PCDHGB6: variants seen among roughly 807,000 people sequenced by gnomAD.
PCDHGB6 encodes the protein protocadherin gamma subfamily B, 6.
Under a neutral mutation model 59.1 loss-of-function variants are expected in PCDHGB6, and 51 were observed. The ratio of observed to expected loss-of-function variants is 0.86; its 90% confidence interval spans 0.69 to 1.09. PCDHGB6 has a LOEUF of 1.09. Among genes scored for constraint, PCDHGB6 ranks in the 50% least tolerant of loss-of-function variants. PCDHGB6 has a pLI of 0.00. For synonymous variants in PCDHGB6, 466 were observed against 495.1 expected (o/e 0.94, Z 0.78); for missense variants, 1,148 against 1,205.1 (o/e 0.95, Z 0.70).
chr5:141,424,799 A>G (rs552155487), intron 1 of PCDHGB6: 90 of 152,274 alleles, frequency 5.9e-4, no homozygotes, highest in African/African-American at 2.1e-3. Context: ...ATTCAGACCA[A>G]CTTGTTATTG....
In PCDHGB6 at chr5:141,476,210, G is replaced by A; in HGVS notation, c.2419-18597G>A. ...TGGTGCCTTGAACAAGGCTTCCACG[G>A]TCATTCACTATGAGATCCCGGAGGA... is the stretch of plus-strand genomic sequence containing the variant. On this transcript the variant is annotated intron_variant, in intron 1 of 3. Coordinates refer to ENST00000520790, the MANE Select transcript of PCDHGB6 (RefSeq NM_018926.3). The surrounding 1 kb of genome is among the most constrained non-coding windows in gnomAD (Gnocchi z 7.6). 6.2e-7 allele frequency: 1 copy of A among 1,614,012 alleles called. No individual in the cohort carries two copies. Among genetic ancestry groups the A allele is most frequent in the Non-Finnish European group, 8.5e-7 (1 of 1,180,012 alleles).
Position 141,432,029 on chromosome 5 carries a change from G to A in PCDHGB6, c.2418+21409G>A. 6.2e-7 allele frequency: 1 copy of A among 1,614,178 alleles called. No individual in the cohort carries two copies. Among genetic ancestry groups the A allele is most frequent in the South Asian group, 1.1e-5 (1 of 91,086 alleles). ...TCCTAGCTACAACATCACAGTGACC[G>A]CCACTGACCGGGGAACCCCGCCCCT... On this transcript the variant is annotated intron_variant, in intron 1 of 3. Coordinates refer to ENST00000520790, the MANE Select transcript of PCDHGB6 (RefSeq NM_018926.3). This position sits in a 1 kb window ranked among gnomAD's most constrained non-coding sequence, Gnocchi z 6.0.
chr5:141,409,995 CG>C lies in PCDHGB6; in HGVS notation c.1796del (p.Gly599AspfsTer34). The C allele has an allele frequency of 1.2e-6, 2 of 1,613,308 alleles. No homozygotes were observed. Among genetic ancestry groups the C allele is most frequent in the Non-Finnish European group, 1.7e-6 (2 of 1,179,826 alleles). ...VTKVVAVDADSGHNAWLSYHV... is the reference protein window; with the variant it reads ...VTKVVAVDADXGHNAWLSYHV... ...AAGGTGGTAGCGGTGGACGCCGACT[CG>C]GGACACAACGCCTGGCTGTCCTACC... On this transcript the variant is annotated frameshift_variant, in exon 1 of 4. Coordinates refer to ENST00000520790, the MANE Select transcript of PCDHGB6 (RefSeq NM_018926.3). LOFTEE classifies it high-confidence loss of function.
chr5:141,506,109 A>G (rs1027886504), intron 3 of PCDHGB6, among the ~76,000 whole-genome samples: 5 of 152,126 alleles, frequency 3.3e-5, no homozygotes, highest in Middle Eastern at 3.2e-3. Flanking sequence ...GTCCCTGAAG[A>G]GTCACTAGGG....
intron 1 of PCDHGB6, among the ~76,000 whole-genome samples, chr5:141,445,077 T>C (rs778919022): frequency 5.9e-5 from 9 of 152,242 alleles, no homozygotes; most frequent in Non-Finnish European, 1.2e-4. Flanking sequence ...CTCATTAAAT[T>C]GTCCCTACAT....
chr5:141,498,578 G>T (rs1404493166), intron 2 of PCDHGB6, among the ~76,000 whole-genome samples: 1 of 152,048 alleles, frequency 6.6e-6, no homozygotes, highest in African/African-American at 2.4e-5. Flanking sequence ...CTAGTATTGA[G>T]TTCTTCAGTA....
intron 1 of PCDHGB6, among the ~76,000 whole-genome samples, chr5:141,463,377 G>T (rs1161419035): frequency 2.7e-5 from 4 of 147,358 alleles, no homozygotes; most frequent in Non-Finnish European, 3.0e-5. Flanking sequence ...CCCACAGTCT[G>T]AAAGTTGTCT....
chr5:141,422,492 C>G (rs747903569), intron 1 of PCDHGB6: 10 of 1,613,934 alleles, frequency 6.2e-6, no homozygotes, highest in Non-Finnish European at 8.5e-6. Flanking sequence ...TACAATATAA[C>G]GTTGACAGCC....
intron 1 of PCDHGB6, among the ~76,000 whole-genome samples, chr5:141,480,866 G>A (rs1329444129): frequency 6.6e-6 from 1 of 152,142 alleles, no homozygotes; most frequent in Non-Finnish European, 1.5e-5. Flanking sequence ...CCAATATGGT[G>A]AAACCCCGTC....
Position 141,489,090 on chromosome 5 carries a change from C to CAAA in PCDHGB6, c.2419-5717_2419-5716insAAA. ...CCTGCCCACCCCCGCCACTCGGTGA[C>CAAA]TAAGAACTGCTGCAAGCAGGCAAAC... is the stretch of plus-strand genomic sequence containing the variant. On this transcript the variant is annotated intron_variant, in intron 1 of 3. Transcript: ENST00000520790. The surrounding 1 kb of genome is among the most constrained non-coding windows in gnomAD (Gnocchi z 4.5). 7 of 328,768 alleles carry CAAA rather than the reference C, an allele frequency of 2.1e-5. No homozygotes were observed. The highest frequency in any genetic ancestry group is 6.1e-5 in the Admixed American group (1 of 16,494). The allele number at this position is 328,768 out of a possible 1,614,324, so 20.4% of individuals were successfully genotyped here. A position where few individuals can be genotyped will look rare whatever the true frequency, so the allele number is the denominator to read the frequency against.
chr5:141,428,190 T>C (rs1348507135), intron 1 of PCDHGB6: 2 of 1,429,918 alleles, frequency 1.4e-6, no homozygotes, highest in Non-Finnish European at 1.9e-6. Flanking sequence ...CAGCCGCCGC[T>C]CTCTGCGCCG....
intron 1 of PCDHGB6, chr5:141,412,235 A>T (rs2095544372): frequency 6.6e-6 from 1 of 152,260 alleles, no homozygotes. Flanking sequence ...AAAAACCTAT[A>T]TCACTACATC....
chr5:141,421,741 C>A lies in PCDHGB6; in HGVS notation c.2418+11121C>A. 3 of 1,613,902 alleles carry A rather than the reference C, an allele frequency of 1.9e-6. No individual in the cohort carries two copies. The South Asian group carries it at 3.3e-5, about 18-fold the overall frequency. ...GGGCGTGAACTCCCTCCAGAGCTAC[C>A]AGCTCAGCCCTAATAATTACTTTTC... On this transcript the variant is annotated intron_variant, in intron 1 of 3. Transcript: ENST00000520790.
Position 141,510,974 on chromosome 5 carries a change from G to T in PCDHGB6, c.2594G>T (p.Gly865Val). The T allele has an allele frequency of 6.2e-7, 1 of 1,614,150 alleles. No homozygotes were observed. The highest frequency in any genetic ancestry group is 1.1e-5 in the South Asian group (1 of 91,088). ...SEAADGSSTL[G>V]GGAGTMGLSA... ...GCTGCTGATGGGAGCTCCACCCTGG[G>T]AGGGGGTGCCGGCACCATGGGATTG... is the stretch of plus-strand genomic sequence containing the variant. The change falls in exon 4 of 4, where the codon GGA becomes GTA. Residue 865 changes from glycine (G) to valine (V), a missense_variant. Physicochemically the swap from Gly to Val is moderately radical, Grantham distance 109. Transcript: ENST00000520790.
In PCDHGB6 at chr5:141,412,947, C is replaced by T. The variant is rs930035804; in HGVS notation, c.2418+2327C>T. On this transcript the variant is annotated intron_variant, in intron 1 of 3. Coordinates refer to ENST00000520790, the MANE Select transcript of PCDHGB6 (RefSeq NM_018926.3). ...AGTAACTTCTTAGGACTCTGAGCGC[C>T]GCTGTTCACCTACTAGGAGAGAAAA... is the stretch of plus-strand genomic sequence containing the variant. The T allele has an allele frequency of 2.3e-5, 11 of 475,008 alleles. No individual in the cohort carries two copies. The Middle Eastern group carries it at 2.2e-3, about 94-fold the overall frequency. 29.4% of individuals were successfully genotyped at this position (475,008 alleles called of 1,614,324 possible). A position where few individuals can be genotyped will look rare whatever the true frequency, so the allele number is the denominator to read the frequency against.
intron 1 of PCDHGB6, among the ~76,000 whole-genome samples, chr5:141,488,661 G>T (rs573211567): frequency 6.6e-6 from 1 of 152,246 alleles, no homozygotes; most frequent in African/African-American, 2.4e-5. Context: ...GGAGGGTGGG[G>T]GAATACATGG....
intron 1 of PCDHGB6, chr5:141,416,359 A>G (rs1215806118): frequency 6.6e-6 from 1 of 152,228 alleles, no homozygotes; most frequent in Non-Finnish European, 1.5e-5. Flanking sequence ...TGAGGAGGCT[A>G]TAGAGGGTGA....
At position 141,489,800 on chromosome 5, in the gene PCDHGB6, A is replaced by T. The variant is rs2099692478; in HGVS notation, c.2419-5007A>T. 1 of 1,614,166 alleles carries T rather than the reference A, an allele frequency of 6.2e-7. No homozygotes were observed. Among genetic ancestry groups the T allele is most frequent in the Non-Finnish European group, 8.5e-7 (1 of 1,179,994 alleles). On this transcript the variant is annotated intron_variant, in intron 1 of 3. Coordinates refer to ENST00000520790, the MANE Select transcript of PCDHGB6 (RefSeq NM_018926.3). This position sits in a 1 kb window ranked among gnomAD's most constrained non-coding sequence, Gnocchi z 4.5. ...TCTCTGAATGTGAAGACCCTAAAAG[A>T]TGGGAAGCCATTCCCAGAGCTGGTG...
intron 1 of PCDHGB6, among the ~76,000 whole-genome samples, chr5:141,474,651 C>T (rs2099352565): frequency 6.6e-6 from 1 of 152,178 alleles, no homozygotes; most frequent in South Asian, 2.1e-4. Flanking sequence ...ATCCTTACTT[C>T]TTTTCTACCT....
Sources: allele counts gnomAD v4.1 joint callset (sites outside exome capture counted in the v4.1 genomes callset), GRCh38; gene constraint gnomAD v4.1.1; non-coding constraint Gnocchi (gnomAD v3.1); transcripts MANE v1.5; gene names NCBI Gene and HGNC (gene_info 2026-07-23, HGNC 2026-07-21).